Variants in ATP2B3 observed in about 807,000 individuals in gnomAD.
ATP2B3 encodes ATPase plasma membrane Ca2+ transporting 3, also known as plasma membrane calcium-transporting ATPase 3.
A neutral mutation model predicts 70.8 loss-of-function variants in ATP2B3; 12 were observed. The observed-to-expected ratio is 0.17, with a 90% CI of 0.11 to 0.27. ATP2B3 has a LOEUF of 0.27. Among genes scored for constraint, ATP2B3 ranks in the 10% least tolerant of loss-of-function variants. The probability of loss-of-function intolerance (pLI) is 1.00; values close to 1 mark genes in which losing one functional copy is unlikely to be tolerated. For synonymous variants in ATP2B3, 460 were observed against 497.8 expected (o/e 0.92, Z 1.01); for missense variants, 858 against 1,118.5 (o/e 0.77, Z 3.32).
At chrX:153,542,600 C>G (rs1008187868) in intron 6 of ATP2B3, 152 bp downstream of exon 6, 6 of 814,697 alleles carry the variant, frequency 7.4e-6, no homozygotes, top group Non-Finnish European at 5.1e-6. Context: ...AGACTCCGCC[C>G]GTCTTGAGGC....
intron 3 of ATP2B3, among the ~76,000 whole-genome samples, chrX:153,538,332 C>T (rs966821598): frequency 2.7e-5 from 3 of 113,121 alleles, no homozygotes; most frequent in Admixed American, 1.8e-4. Context: ...CAGGCACTCC[C>T]CCGTGGGGCA....
intron 7 of ATP2B3, 141 bp downstream of exon 7, chrX:153,543,309 T>A: frequency 1.1e-6 from 1 of 884,944 alleles, no homozygotes; most frequent in South Asian, 2.7e-5. Flanking sequence ...CTCTTTTGAT[T>A]CTCCGTGGAG....
chrX:153,558,703 C>G (rs1333748701), intron 17 of ATP2B3, among the ~76,000 whole-genome samples: 1 of 112,116 alleles, frequency 8.9e-6, no homozygotes, highest in Non-Finnish European at 1.9e-5. Context: ...TCTGGCATCT[C>G]GCTTAGCACC....
rs782148531 is a variant in ATP2B3 at position 153,580,356 on chromosome X, G to A, written c.*58G>A. Reference sequence around the variant, plus strand: ...CACTCGGACTCACACGAAGTCACACGCACACATGCACGCACACACACATAT... The same window carrying A: ...CACTCGGACTCACACGAAGTCACACACACACATGCACGCACACACACATAT... On this transcript the variant is annotated 3_prime_UTR_variant, in exon 22 of 22. Transcript: ENST00000263519. The A allele has an allele frequency of 1.5e-5, 16 of 1,055,366 alleles. No individual in the cohort carries two copies. In the South Asian group the frequency reaches 1.7e-4, roughly 11 times the overall value. 87.0% of individuals were successfully genotyped at this position (1,055,366 alleles called of 1,213,427 possible). A position where few individuals can be genotyped will look rare whatever the true frequency, so the allele number is the denominator to read the frequency against.
At chrX:153,564,521 C>T (rs2090673635) in intron 20 of ATP2B3, among the ~76,000 whole-genome samples, 1 of 113,089 alleles carries the variant, frequency 8.8e-6, no homozygotes, top group Non-Finnish European at 1.9e-5. Flanking sequence ...TGCTGCACCG[C>T]GTTCCACTCG....
At chrX:153,551,038 C>A (rs1465186254) in intron 12 of ATP2B3, among the ~76,000 whole-genome samples, 2 of 112,838 alleles carry the variant, frequency 1.8e-5, no homozygotes, top group Non-Finnish European at 3.7e-5. Flanking sequence ...ACGAGTCACG[C>A]TGCTGTGAAT....
chrX:153,550,897 G>A (rs2090447768), intron 12 of ATP2B3, among the ~76,000 whole-genome samples: 1 of 111,598 alleles, frequency 9.0e-6, no homozygotes, highest in African/African-American at 3.3e-5. Context: ...CCACCAGCCC[G>A]AACTTCCATT....
intron 3 of ATP2B3, 90 bp from the exon 4 acceptor site, chrX:153,541,269 T>C: frequency 9.1e-7 from 1 of 1,094,223 alleles, no homozygotes; most frequent in Non-Finnish European, 1.3e-6. Context: ...CCAGGAGCAG[T>C]CAGTCAGGGC....
chrX:153,556,927 C>T lies in ATP2B3; in HGVS notation c.2337C>T (p.Asp779=). The T allele has an allele frequency of 8.4e-7, 1 of 1,190,338 alleles. No individual in the cohort carries two copies. The highest frequency in any genetic ancestry group is 1.1e-6 in the Non-Finnish European group (1 of 884,289). Residue 779 remains aspartate (D), a synonymous_variant, in exon 16 of 22, where the codon GAC becomes GAT. Coordinates refer to ENST00000263519, the MANE Select transcript of ATP2B3 (RefSeq NM_001001344.3). ...DKHTLVKGII[D]STTGEQRQVV... ...TGATCTGTCTTCCAGGGATTATCGA[C>T]AGCACCACTGGTGAGCAGCGGCAGG...
At chrX:153,563,159 T>TTTTTG (rs2090652062) in intron 20 of ATP2B3, among the ~76,000 whole-genome samples, 2 of 95,079 alleles carry the variant, frequency 2.1e-5, no homozygotes, top group African/African-American at 8.3e-5. Flanking sequence ...TTTTTTTTTT[T>TTTTTG]GAGACAGGGT....
At position 153,553,023 on chromosome X, in the gene ATP2B3, C is replaced by T. The variant is rs781869876; in HGVS notation, c.1824-12C>T. The T allele has an allele frequency of 7.5e-6, 9 of 1,193,577 alleles. No homozygotes were observed. Among genetic ancestry groups the T allele is most frequent in the Middle Eastern group, 2.3e-4 (1 of 4,288 alleles). On this transcript the variant is annotated splice_polypyrimidine_tract_variant and intron_variant, in intron 12 of 21. Transcript: ENST00000263519. ...CCCACCTCCACCTCATCTCTGCCCA[C>T]CCCCTGCCTAGGTGCACCAACATCT...
intron 21 of ATP2B3, among the ~76,000 whole-genome samples, chrX:153,567,543 C>T (rs1164966655): frequency 8.8e-6 from 1 of 113,106 alleles, no homozygotes; most frequent in East Asian, 2.8e-4. Context: ...GCAGCTGAGA[C>T]AACAGCCCTG....
Position 153,560,872 on chromosome X carries a change from C to A in ATP2B3, c.3036C>A (p.Gly1012=). 1 of 1,211,680 alleles carries A rather than the reference C, an allele frequency of 8.3e-7. No individual in the cohort carries two copies. Among genetic ancestry groups the A allele is most frequent in the Non-Finnish European group, 1.1e-6 (1 of 895,404 alleles). The change falls in exon 19 of 22, where the codon GGC becomes GGA. Residue 1012 remains glycine (G), a synonymous_variant. Coordinates refer to ENST00000263519, the MANE Select transcript of ATP2B3 (RefSeq NM_001001344.3). The stretch of plus-strand genomic sequence containing the variant: ...CCATCTTCTGCACCATCGTTTTGGG[C>A]ACTTTCGGGATTCAGGTAGGAGGGG... The part of the protein sequence containing the change: ...SNPIFCTIVL[G]TFGIQIVIVQ...
intron 11 of ATP2B3, 86 bp downstream of exon 11, chrX:153,549,825 G>A (rs2090429744): frequency 9.7e-5 from 107 of 1,106,834 alleles, no homozygotes; most frequent in Non-Finnish European, 1.3e-4. Flanking sequence ...GCTGTTGCAA[G>A]GTGCTCATTA....
Position 153,548,999 on chromosome X carries a change from G to A in ATP2B3, c.1338+145G>A, listed in dbSNP as rs887031962. ...GAGGTGCCGAGCAGGGACCCAGGGG[G>A]CAGCTTTGCTGATCTGTCAGCTCAG... On this transcript the variant is annotated intron_variant, in intron 10 of 21. Transcript: ENST00000263519. The A allele has an allele frequency of 3.5e-5, 20 of 574,273 alleles. No homozygotes were observed. In the South Asian group the frequency reaches 3.7e-4, roughly 11 times the overall value. 47.3% of individuals were successfully genotyped at this position (574,273 alleles called of 1,213,427 possible).
rs555910536 is a variant in ATP2B3, at chrX:153,559,999, G to T, written c.2839+57G>T. On this transcript the variant is annotated intron_variant, in intron 18 of 21. Coordinates refer to ENST00000263519, the MANE Select transcript of ATP2B3 (RefSeq NM_001001344.3). Reference sequence around the variant, plus strand: ...CAGGACACTGTTGCCACCACCTCGGGCTCAGATTCTGTCTGGTGTGTCTCC... The same window carrying T: ...CAGGACACTGTTGCCACCACCTCGGTCTCAGATTCTGTCTGGTGTGTCTCC... The T allele has an allele frequency of 4.6e-5, 51 of 1,111,555 alleles. No homozygotes were observed. In the South Asian group the frequency reaches 9.1e-4, roughly 20 times the overall value. 91.6% of individuals were successfully genotyped at this position (1,111,555 alleles called of 1,213,427 possible). A position where few individuals can be genotyped will look rare whatever the true frequency, so the allele number is the denominator to read the frequency against.
chrX:153,566,775 G>A (rs1210294083), intron 21 of ATP2B3, among the ~76,000 whole-genome samples: 2 of 111,028 alleles, frequency 1.8e-5, no homozygotes, highest in South Asian at 3.9e-4. Context: ...CCCTCTGCCC[G>A]CCTGTGCCAC....
intron 2 of ATP2B3, among the ~76,000 whole-genome samples, chrX:153,524,441 G>A (rs916899278): frequency 8.9e-5 from 10 of 111,827 alleles, no homozygotes; most frequent in African/African-American, 2.9e-4. Context: ...CGAAATGAGG[G>A]GGTGAGGCTG....
chrX:153,576,738 G>A (rs1273781839), intron 21 of ATP2B3, among the ~76,000 whole-genome samples: 1 of 111,707 alleles, frequency 9.0e-6, no homozygotes, highest in Non-Finnish European at 1.9e-5. Context: ...AGGAGGCGGT[G>A]CAGGAGCCTG....
Sources: allele counts gnomAD v4.1 joint callset (sites outside exome capture counted in the v4.1 genomes callset), GRCh38; gene constraint gnomAD v4.1.1; transcripts MANE v1.5; gene names NCBI Gene and HGNC (gene_info 2026-07-23, HGNC 2026-07-21).